The following ANKRD12 variants were observed in gnomAD, a reference collection of about 807,000 sequenced individuals.
ANKRD12 encodes ankyrin repeat domain 12.
Under a neutral mutation model 183.4 loss-of-function variants are expected in ANKRD12, and 85 were observed. The ratio of observed to expected loss-of-function variants is 0.46; its 90% CI spans 0.39 to 0.56. ANKRD12 has a LOEUF of 0.56. ANKRD12 is among the 20% of genes least tolerant of loss of function. The probability of loss-of-function intolerance (pLI) is 0.00; values close to 1 mark genes in which losing one functional copy is unlikely to be tolerated. For missense variants in ANKRD12, 2,405 were observed against 2,357.1 expected (o/e 1.02, Z -0.42); for synonymous variants, 914 against 800.2 (o/e 1.14, Z -2.40).
At chr18:9,275,431 C>T (rs749097524) in intron 10 of ANKRD12, 93 bp from the exon 11 acceptor site, 51 of 1,134,944 alleles carry the variant, frequency 4.5e-5, no homozygotes, top group Non-Finnish European at 6.1e-5. Flanking sequence ...TGTGATCACA[C>T]CACTGCACTC....
chr18:9,234,020 A>G (rs748403995), intron 8 of ANKRD12, among the ~76,000 whole-genome samples: 16 of 152,074 alleles, frequency 1.1e-4, no homozygotes, highest in Non-Finnish European at 1.8e-4. Flanking sequence ...TAAGTAGTGA[A>G]TGCTGGTGTT....
chr18:9,203,080 T>G (rs2035268813), intron 3 of ANKRD12, among the ~76,000 whole-genome samples: 1 of 152,246 alleles, frequency 6.6e-6, no homozygotes, highest in Non-Finnish European at 1.5e-5. Context: ...GGTGGTTATT[T>G]AAATTTTTTT....
Position 9,285,509 on chromosome 18 carries a change from C to G in ANKRD12, c.*4383C>G, listed in dbSNP as rs1434741810. The G allele has an allele frequency of 6.6e-6, 1 of 151,504 alleles. No homozygotes were observed. Among genetic ancestry groups the G allele is most frequent in the Admixed American group, 6.6e-5 (1 of 15,214 alleles). The allele number at this position is 151,504 out of a possible 1,614,324, so 9.4% of individuals were successfully genotyped here. ...TAAAAGGCACCACCTATGCACTCATCACTCAAGAGAATATCAATAACTTTC... is the reference window on the plus strand; with the variant it reads ...TAAAAGGCACCACCTATGCACTCATGACTCAAGAGAATATCAATAACTTTC... On this transcript the variant is annotated 3_prime_UTR_variant, in exon 13 of 13. Coordinates refer to ENST00000262126, the MANE Select transcript of ANKRD12 (RefSeq NM_015208.5).
chr18:9,227,596 T>C (rs1420959490), intron 8 of ANKRD12, among the ~76,000 whole-genome samples: 3 of 152,194 alleles, frequency 2.0e-5, no homozygotes, highest in Non-Finnish European at 1.5e-5. Context: ...CAATGTGAGC[T>C]TCAAGAACAG....
chr18:9,184,456 G>A lies in ANKRD12; in HGVS notation c.87+1937G>A, dbSNP rs560420498. 6.3e-4 allele frequency among the ~76,000 whole-genome samples: 96 copies of A among 151,972 alleles called. 1 individual carries two copies. The highest frequency in any genetic ancestry group is 2.2e-3 in the African/African-American group (90 of 41,436). ...CCCAGGCTGGAGAGTGCAGTGGTGT[G>A]ATCTCAGCTCACTGCAGCCTTGACC... On this transcript the variant is annotated intron_variant, in intron 2 of 12. Transcript: ENST00000262126.
rs1343327394 is a variant in ANKRD12, at chr18:9,263,802, C to T, written c.5677C>T (p.Pro1893Ser). 2 of 1,560,358 alleles carry T rather than the reference C, an allele frequency of 1.3e-6. No individual in the cohort carries two copies. The highest frequency in any genetic ancestry group is 1.7e-6 in the Non-Finnish European group (2 of 1,144,596). Residue 1893 changes from proline (P) to serine (S), a missense_variant, in exon 10 of 13, where the codon CCT becomes TCT. Around this residue, in one of 7 missense-constraint regions of ANKRD12, gnomAD observed 162 missense variants for 272.2 expected, o/e 0.60. Coordinates refer to ENST00000262126, the MANE Select transcript of ANKRD12 (RefSeq NM_015208.5). ...TCTTTTTAATTAGATTACACCACCA[C>T]CTTCACTGTCAGATCCACTTAAAGA... is the stretch of plus-strand genomic sequence containing the variant. ...KICIPTITPP[P>S]SLSDPLKELF...
rs747672309 is a variant in ANKRD12, at chr18:9,254,382, A to G, written c.1115A>G (p.Asn372Ser). ...EFKDDDDEEI[N>S]KMIDDRHILR... The stretch of plus-strand genomic sequence containing the variant: ...AAAGATGATGATGATGAAGAAATTA[A>G]TAAGATGATTGATGATAGGCATATT... Residue 372 changes from asparagine (N) to serine (S), a missense_variant, in exon 9 of 13, where the codon AAT becomes AGT. This residue lies in a region of ANKRD12 where 1,983 missense variants were observed against 1,725.9 expected (regional missense o/e 1.15). Coordinates refer to ENST00000262126, the MANE Select transcript of ANKRD12 (RefSeq NM_015208.5). 3 of 1,609,074 alleles carry G rather than the reference A, an allele frequency of 1.9e-6. No individual in the cohort carries two copies. The highest frequency in any genetic ancestry group is 1.7e-5 in the Admixed American group (1 of 59,032).
intron 4 of ANKRD12, among the ~76,000 whole-genome samples, chr18:9,208,316 G>T (rs759270928): frequency 5.3e-5 from 8 of 152,066 alleles, no homozygotes; most frequent in Non-Finnish European, 1.0e-4. Flanking sequence ...AATAAAAGAG[G>T]TTTCAAAGAT....
At chr18:9,210,991 T>G (rs986336964) in intron 5 of ANKRD12, among the ~76,000 whole-genome samples, 1 of 152,010 alleles carries the variant, frequency 6.6e-6, no homozygotes, top group Non-Finnish European at 1.5e-5. Context: ...ACTTTGGGCA[T>G]CATCTAATTT....
chr18:9,154,528 G>T (rs2030094351), intron 1 of ANKRD12, among the ~76,000 whole-genome samples: 1 of 152,188 alleles, frequency 6.6e-6, no homozygotes, highest in Non-Finnish European at 1.5e-5. Flanking sequence ...CTTAAGGCCA[G>T]CCTGGGCAAC....
chr18:9,234,776 A>G (rs9960129), intron 8 of ANKRD12, among the ~76,000 whole-genome samples: 87,110 of 151,938 alleles, frequency 0.57, 25,793 homozygotes, highest in South Asian at 0.75. Context: ...GTCTGGTGCA[A>G]TGCTTGTGCA....
In ANKRD12 at chr18:9,256,617, A is replaced by G; in HGVS notation, c.3350A>G (p.Glu1117Gly). The G allele has an allele frequency of 6.2e-7, 1 of 1,604,162 alleles. No individual in the cohort carries two copies. The highest frequency in any genetic ancestry group is 1.1e-5 in the South Asian group (1 of 88,190). Reference sequence around the variant, plus strand: ...CGGTTGAGAAACCGAAACTGTTTAGAACTTAAAATAAAAGATAAAGAAAAA... The same window carrying G: ...CGGTTGAGAAACCGAAACTGTTTAGGACTTAAAATAAAAGATAAAGAAAAA... ...KERLRNRNCL[E>G]LKIKDKEKTK... The change falls in exon 9 of 13, where the codon GAA becomes GGA. Residue 1117 changes from glutamate to glycine, a missense_variant. Transcript: ENST00000262126.
At chr18:9,172,383 A>G (rs1294342860) in intron 1 of ANKRD12, among the ~76,000 whole-genome samples, 1 of 152,074 alleles carries the variant, frequency 6.6e-6, no homozygotes, top group Non-Finnish European at 1.5e-5. Flanking sequence ...TGGTCTTTTT[A>G]CATAGTCCCA....
At chr18:9,248,321 T>G (rs2038084807) in intron 8 of ANKRD12, among the ~76,000 whole-genome samples, 1 of 152,236 alleles carries the variant, frequency 6.6e-6, no homozygotes, top group Non-Finnish European at 1.5e-5. Flanking sequence ...AGTATTGACA[T>G]AAACTTGCTG....
chr18:9,168,274 G>A (rs891706947), intron 1 of ANKRD12, among the ~76,000 whole-genome samples: 1 of 152,162 alleles, frequency 6.6e-6, no homozygotes, highest in Admixed American at 6.5e-5. Flanking sequence ...CTATTGATTG[G>A]AATAATTTCA....
At chr18:9,152,543 A>G (rs1343271320) in intron 1 of ANKRD12, among the ~76,000 whole-genome samples, 1 of 150,716 alleles carries the variant, frequency 6.6e-6, no homozygotes, top group Non-Finnish European at 1.5e-5. Context: ...TTTTTTTTTT[A>G]AAGTATATTG....
At position 9,182,436 on chromosome 18, in the gene ANKRD12, C is replaced by T. The variant is rs775617692; in HGVS notation, c.4C>T (p.Pro2Ser). The T allele has an allele frequency of 4.4e-6, 7 of 1,608,810 alleles. No homozygotes were observed. Among genetic ancestry groups the T allele is most frequent in the Non-Finnish European group, 5.9e-6 (7 of 1,177,298 alleles). Residue 2 changes from proline to serine, a missense_variant, in exon 2 of 13, where the codon CCC (proline) becomes TCC (serine). By Grantham distance (74) the Pro-to-Ser change is moderately conservative (BLOSUM62 -1). Coordinates refer to ENST00000262126, the MANE Select transcript of ANKRD12 (RefSeq NM_015208.5). ...AAGCTAGCTGAACAGCTGTAAAATG[C>T]CCAAATCTGGGTTCACAAAACCAAT... Reference protein sequence around the residue: MPKSGFTKPIQS... With the variant: MSKSGFTKPIQS...
chr18:9,229,026 A>G (rs1298976352), intron 8 of ANKRD12, among the ~76,000 whole-genome samples: 2 of 152,032 alleles, frequency 1.3e-5, no homozygotes, highest in Non-Finnish European at 2.9e-5. Context: ...TCTTCTGCAT[A>G]TGGTTATCCA....
Position 9,285,148 on chromosome 18 carries a change from G to A in ANKRD12, c.*4022G>A, listed in dbSNP as rs1285917826. 7.9e-5 allele frequency: 12 copies of A among 151,556 alleles called. No homozygotes were observed. Among genetic ancestry groups the A allele is most frequent in the African/African-American group, 2.4e-4 (10 of 41,236 alleles). The allele number at this position is 151,556 out of a possible 1,614,324, so 9.4% of individuals were successfully genotyped here. On this transcript the variant is annotated 3_prime_UTR_variant, in exon 13 of 13. Coordinates refer to ENST00000262126, the MANE Select transcript of ANKRD12 (RefSeq NM_015208.5). Reference sequence around the variant, plus strand: ...GGCGTGAGCCTGGGAGGCGGAGCTTGCAGTGAGCCGAGATCGTGCCACTGC... The same window carrying A: ...GGCGTGAGCCTGGGAGGCGGAGCTTACAGTGAGCCGAGATCGTGCCACTGC...
Sources: allele counts gnomAD v4.1 joint callset (sites outside exome capture counted in the v4.1 genomes callset), GRCh38; gene constraint gnomAD v4.1.1; regional missense constraint gnomAD v4.1.1; transcripts MANE v1.5; gene names NCBI Gene and HGNC (gene_info 2026-07-23, HGNC 2026-07-21).